Variants in KCNMB4 observed in about 807,000 individuals in gnomAD.
KCNMB4 encodes the protein calcium-activated potassium channel subunit beta-4.
A neutral mutation model predicts 20.7 loss-of-function variants in KCNMB4; 3 were observed. The observed-to-expected ratio is 0.14, with a 90% CI of 0.07 to 0.37. The LOEUF (loss-of-function observed/expected upper bound fraction) is 0.37, where lower values mean the gene tolerates loss of function less well. Among genes scored for constraint, KCNMB4 ranks in the 10% least tolerant of loss-of-function variants. The pLI, the probability that KCNMB4 is intolerant of heterozygous loss-of-function variation, is 1.00. For missense variants in KCNMB4, 168 were observed against 265.9 expected, an observed-to-expected ratio of 0.63 and a Z score of 2.56; for synonymous variants, 110 against 113.4, an observed-to-expected ratio of 0.97 and a Z score of 0.19.
chr12:70,391,128 C>T (rs1253958404), intron 1 of KCNMB4, among the ~76,000 whole-genome samples: 2 of 152,094 alleles, frequency 1.3e-5, no homozygotes, highest in Non-Finnish European at 2.9e-5. Flanking sequence ...GACTCATAGA[C>T]TTCATTTCAT....
chr12:70,397,108 A>C (rs1456652215), intron 1 of KCNMB4, among the ~76,000 whole-genome samples: 2 of 152,168 alleles, frequency 1.3e-5, no homozygotes, highest in Non-Finnish European at 2.9e-5. Flanking sequence ...CTGTAACCCC[A>C]GCACTCTTAG....
intron 2 of KCNMB4, among the ~76,000 whole-genome samples, chr12:70,411,622 T>C (rs1441456813): frequency 6.6e-6 from 1 of 152,154 alleles, no homozygotes; most frequent in African/African-American, 2.4e-5. Context: ...TTTTGTAATT[T>C]AGTGTCCTAA....
intron 2 of KCNMB4, among the ~76,000 whole-genome samples, chr12:70,401,458 C>G (rs1431742027): frequency 6.6e-6 from 1 of 152,104 alleles, no homozygotes; most frequent in Non-Finnish European, 1.5e-5. Flanking sequence ...CACCGTGGAC[C>G]CACTCCAAGC....
At chr12:70,427,028 T>G (rs922330544) in intron 2 of KCNMB4, among the ~76,000 whole-genome samples, 6 of 152,212 alleles carry the variant, frequency 3.9e-5, no homozygotes, top group Non-Finnish European at 7.3e-5. Context: ...TAATTACCCC[T>G]TTTTTGCTTA....
chr12:70,411,598 A>G (rs905294261), intron 2 of KCNMB4, among the ~76,000 whole-genome samples: 2 of 152,148 alleles, frequency 1.3e-5, no homozygotes, highest in Non-Finnish European at 2.9e-5. Flanking sequence ...CTCTGGTATC[A>G]TGGTTGTTAC....
chr12:70,400,131 C>A, intron 1 of KCNMB4, 78 bp from the exon 2 acceptor site: 1 of 1,112,826 alleles, frequency 9.0e-7, no homozygotes, highest in Non-Finnish European at 1.2e-6. Flanking sequence ...CTTTATAATG[C>A]CATCTTTCTA....
chr12:70,421,489 A>C (rs2136141245), intron 2 of KCNMB4, among the ~76,000 whole-genome samples: 1 of 151,554 alleles, frequency 6.6e-6, no homozygotes, highest in Middle Eastern at 3.4e-3. Context: ...AAAAAAAAAA[A>C]AAAACTTTTC....
intron 1 of KCNMB4, among the ~76,000 whole-genome samples, chr12:70,384,870 T>C (rs1443109106): frequency 2.5e-5 from 2 of 78,608 alleles, no homozygotes; most frequent in Non-Finnish European, 4.2e-5. Context: ...TGAGACCCTG[T>C]CTCAAAAAAA....
At chr12:70,405,309 G>A (rs1264060810) in intron 2 of KCNMB4, among the ~76,000 whole-genome samples, 3 of 152,006 alleles carry the variant, frequency 2.0e-5, no homozygotes, top group Non-Finnish European at 4.4e-5. Flanking sequence ...CTAATAATCT[G>A]ATTTAAAAAA....
intron 2 of KCNMB4, among the ~76,000 whole-genome samples, chr12:70,413,552 G>A (rs1868839582): frequency 6.6e-6 from 1 of 152,098 alleles, no homozygotes; most frequent in Admixed American, 6.6e-5. Context: ...AAGAGCTCTT[G>A]CCTCAGTTTC....
chr12:70,430,027 C>T (rs1283879087), intron 2 of KCNMB4, among the ~76,000 whole-genome samples: 2 of 137,244 alleles, frequency 1.5e-5, no homozygotes, highest in Non-Finnish European at 3.1e-5. Context: ...CAAGCAGTGG[C>T]TTTAACTGAC....
intron 1 of KCNMB4, among the ~76,000 whole-genome samples, chr12:70,377,782 C>T (rs1246428485): frequency 1.3e-5 from 2 of 152,166 alleles, no homozygotes; most frequent in Non-Finnish European, 2.9e-5. Flanking sequence ...TTTGTCATTT[C>T]AACAGTGTTC....
At chr12:70,423,905 T>G (rs1335814041) in intron 2 of KCNMB4, among the ~76,000 whole-genome samples, 2 of 152,230 alleles carry the variant, frequency 1.3e-5, no homozygotes, top group Non-Finnish European at 2.9e-5. Flanking sequence ...TCAGGTTTAG[T>G]GGCTGGGGCC....
intron 1 of KCNMB4, among the ~76,000 whole-genome samples, chr12:70,372,788 T>A (rs1222725479): frequency 6.6e-6 from 1 of 152,146 alleles, no homozygotes; most frequent in East Asian, 1.9e-4. Context: ...CAAGGCAGAA[T>A]GTCAAGTTCT....
At chr12:70,402,210 A>G (rs1437796443) in intron 2 of KCNMB4, among the ~76,000 whole-genome samples, 5 of 152,026 alleles carry the variant, frequency 3.3e-5, no homozygotes, top group East Asian at 1.9e-4. Context: ...TTCCTCAGAT[A>G]TCACCTTCTC....
At chr12:70,371,136 C>T (rs539488892) in intron 1 of KCNMB4, among the ~76,000 whole-genome samples, 34 of 152,302 alleles carry the variant, frequency 2.2e-4, no homozygotes, top group Non-Finnish European at 4.4e-4. Context: ...GGATTACAGG[C>T]GTGAGCCAAC....
chr12:70,369,956 A>G (rs1322072141), intron 1 of KCNMB4, among the ~76,000 whole-genome samples: 1 of 152,134 alleles, frequency 6.6e-6, no homozygotes, highest in African/African-American at 2.4e-5. Context: ...TATTCCAGTC[A>G]CTGCACTATC....
chr12:70,426,769 A>G (rs1463303180), intron 2 of KCNMB4, among the ~76,000 whole-genome samples: 1 of 152,208 alleles, frequency 6.6e-6, no homozygotes. Context: ...ATGAGTCTGA[A>G]TGTCCTACCA....
intron 1 of KCNMB4, among the ~76,000 whole-genome samples, chr12:70,370,198 G>A (rs1883565520): frequency 6.6e-6 from 1 of 152,110 alleles, no homozygotes; most frequent in South Asian, 2.1e-4. Context: ...GTTCTCATCT[G>A]CTGTGCAAGA....
Sources: gnomAD v4.1 joint callset for allele counts (sites outside exome capture counted in the v4.1 genomes callset) on GRCh38, gnomAD v4.1.1 for gene constraint, MANE v1.5 for transcripts, NCBI Gene and HGNC (gene_info 2026-07-23, HGNC 2026-07-21) for gene names.